Variants in TMTC2 observed in about 807,000 individuals in gnomAD.
The protein encoded by TMTC2 is transmembrane O-mannosyltransferase targeting cadherins 2, also known as protein O-mannosyl-transferase TMTC2.
TMTC2 carries 43 observed loss-of-function variants against 82.4 expected under a neutral mutation model. That is an observed-to-expected ratio of 0.52 (90% CI 0.41 to 0.67). TMTC2 has a LOEUF of 0.67. Among genes scored for constraint, TMTC2 ranks in the 30% least tolerant of loss-of-function variants. The pLI is 0.00. For synonymous variants in TMTC2, 408 were observed against 381.9 expected (o/e 1.07, Z -0.80); for missense variants, 919 against 1,012.4 (o/e 0.91, Z 1.25).
At chr12:82,880,862 G>T (rs544587869) in intron 2 of TMTC2, among the ~76,000 whole-genome samples, 2 of 149,542 alleles carry the variant, frequency 1.3e-5, no homozygotes, top group Non-Finnish European at 2.9e-5. Context: ...ATGTTTGCAC[G>T]TGTAAGTTCA....
At chr12:82,914,828 T>G (rs1297902966) in intron 3 of TMTC2, among the ~76,000 whole-genome samples, 3 of 145,768 alleles carry the variant, frequency 2.1e-5, no homozygotes, top group Non-Finnish European at 4.5e-5. Context: ...TTTTTTTTTT[T>G]TTTTTTTTTT....
intron 8 of TMTC2, among the ~76,000 whole-genome samples, chr12:83,018,794 C>T (rs1223667737): frequency 2.6e-5 from 4 of 151,962 alleles, no homozygotes; most frequent in African/African-American, 7.3e-5. Context: ...ATTTAGGCAA[C>T]AACACTTCAT....
At chr12:82,789,376 A>G (rs1370737870) in intron 1 of TMTC2, among the ~76,000 whole-genome samples, 1 of 152,148 alleles carries the variant, frequency 6.6e-6, no homozygotes, top group Non-Finnish European at 1.5e-5. Context: ...GCTTAAGTAT[A>G]CTATAATGGT....
chr12:82,788,912 T>C (rs967764384), intron 1 of TMTC2, among the ~76,000 whole-genome samples: 1 of 152,098 alleles, frequency 6.6e-6, no homozygotes, highest in African/African-American at 2.4e-5. Context: ...ATGCCTGTCA[T>C]CTCAGCACTT....
chr12:83,018,489 T>C (rs1220846108), intron 8 of TMTC2, among the ~76,000 whole-genome samples: 1 of 152,138 alleles, frequency 6.6e-6, no homozygotes, highest in African/African-American at 2.4e-5. Context: ...AGCTGAATGG[T>C]TGGAGTCATG....
chr12:83,045,727 G>GCA (rs71068972), intron 9 of TMTC2, among the ~76,000 whole-genome samples: 44,593 of 142,382 alleles, frequency 0.31, 7,436 homozygotes, highest in Non-Finnish European at 0.37. Context: ...ACACACACAC[G>GCA]CACACACACA....
intron 9 of TMTC2, among the ~76,000 whole-genome samples, chr12:83,041,949 G>A (rs978150953): frequency 2.6e-5 from 4 of 152,282 alleles, no homozygotes; most frequent in Non-Finnish European, 4.4e-5. Context: ...CACATTGGTG[G>A]GGCAGGGAGA....
chr12:82,967,368 A>T (rs1878258457), intron 7 of TMTC2, among the ~76,000 whole-genome samples: 1 of 152,076 alleles, frequency 6.6e-6, no homozygotes, highest in Non-Finnish European at 1.5e-5. Context: ...CAAATTCATA[A>T]TTTTTATTAA....
At chr12:82,826,750 G>C (rs1869442093) in intron 1 of TMTC2, among the ~76,000 whole-genome samples, 3 of 152,154 alleles carry the variant, frequency 2.0e-5, no homozygotes, top group Admixed American at 2.0e-4. Flanking sequence ...TGTGACATGA[G>C]TATGTAGCAG....
intron 9 of TMTC2, among the ~76,000 whole-genome samples, chr12:83,046,887 T>G (rs1882162752): frequency 6.6e-6 from 1 of 152,218 alleles, no homozygotes; most frequent in South Asian, 2.1e-4. Context: ...GCATAATTAA[T>G]ACTCCTTTTA....
At chr12:82,805,349 A>G (rs951761014) in intron 1 of TMTC2, among the ~76,000 whole-genome samples, 1 of 152,138 alleles carries the variant, frequency 6.6e-6, no homozygotes, top group Non-Finnish European at 1.5e-5. Context: ...GCTAGCAGAT[A>G]TTTAAGAATG....
At chr12:82,884,137 C>T (rs1052765772) in intron 2 of TMTC2, among the ~76,000 whole-genome samples, 9 of 152,260 alleles carry the variant, frequency 5.9e-5, no homozygotes, top group African/African-American at 1.9e-4. Context: ...TTGGGTACTT[C>T]AGTTTCTAAT....
At chr12:83,110,994 C>A (rs575099127) in intron 11 of TMTC2, among the ~76,000 whole-genome samples, 85 of 152,356 alleles carry the variant, frequency 5.6e-4, no homozygotes, top group African/African-American at 2.0e-3. Context: ...CACACCTTCC[C>A]TTCCCATGGT....
rs753968178 is a variant in TMTC2 at position 82,702,268 on chromosome 12, C to G, written c.83+14599C>G. ...ATCATTATTCATTTCTTGTATGTTA[C>G]CTTATTCTCACTTGGAATGTTTACT... On this transcript the variant is annotated intron_variant, in intron 1 of 11. Transcript: ENST00000321196. Among the ~76,000 whole-genome samples the G allele has an allele frequency of 7.5e-4, 114 of 152,126 alleles. 1 individual carries two copies. Among genetic ancestry groups the G allele is most frequent in the Non-Finnish European group, 3.4e-4 (23 of 68,022 alleles).
intron 7 of TMTC2, among the ~76,000 whole-genome samples, chr12:82,968,462 C>T (rs1878316298): frequency 6.6e-6 from 1 of 152,068 alleles, no homozygotes. Context: ...AAAATAAATG[C>T]TGAAAGAGTT....
rs1592848563 is a variant in TMTC2, at chr12:82,687,603, T to A, written c.17T>A (p.Val6Glu). 1 of 1,600,690 alleles carries A rather than the reference T, an allele frequency of 6.2e-7. No homozygotes were observed. The highest frequency in any genetic ancestry group is 1.3e-5 in the African/African-American group (1 of 74,834). The change falls in exon 1 of 12, where the codon GTG (valine) becomes GAG (glutamate). Residue 6 changes from valine (V) to glutamate (E), a missense_variant. Physicochemically the swap from Val to Glu is moderately radical, Grantham distance 121. Coordinates refer to ENST00000321196, the MANE Select transcript of TMTC2 (RefSeq NM_152588.3). ...GGTGGAGAGATGATTGCAGAGTTGG[T>A]GAGCAGCGCTCTGGGGCTCGCCTTG... Reference protein sequence around the residue: MIAELVSSALGLALYL... With the variant: MIAELESSALGLALYL...
intron 1 of TMTC2, among the ~76,000 whole-genome samples, chr12:82,721,146 T>A (rs1156647543): frequency 6.6e-6 from 1 of 152,206 alleles, no homozygotes; most frequent in Non-Finnish European, 1.5e-5. Context: ...GTCATTGGGT[T>A]TAATCTGTAA....
At chr12:82,826,758 C>A (rs1039125277) in intron 1 of TMTC2, among the ~76,000 whole-genome samples, 1 of 152,130 alleles carries the variant, frequency 6.6e-6, no homozygotes, top group African/African-American at 2.4e-5. Flanking sequence ...GAGTATGTAG[C>A]AGTCACTCTT....
Position 82,943,648 on chromosome 12 carries a change from A to G in TMTC2, c.1598+13103A>G, listed in dbSNP as rs1876841243. Among the ~76,000 whole-genome samples, 5 of 152,198 alleles carry G rather than the reference A, an allele frequency of 3.3e-5. No individual in the cohort carries two copies. The South Asian group carries it at 1.0e-3, about 31-fold the overall frequency. ...TCAATTCTTATAGCACCTATTTCAG[A>G]CATCACTAGTTTTCACATAATTCTG... On this transcript the variant is annotated intron_variant, in intron 4 of 11. Transcript: ENST00000321196.
Sources: gnomAD v4.1 joint callset for allele counts (sites outside exome capture counted in the v4.1 genomes callset) on GRCh38, gnomAD v4.1.1 for gene constraint, MANE v1.5 for transcripts, NCBI Gene and HGNC (gene_info 2026-07-23, HGNC 2026-07-21) for gene names.